The following DNAH3 variants were observed in gnomAD, a reference collection of about 807,000 sequenced individuals.
The protein encoded by DNAH3 is axonemal beta dynein heavy chain 3.
Under a neutral mutation model 432.5 loss-of-function variants are expected in DNAH3, and 332 were observed. The observed-to-expected ratio is 0.77, with a 90% CI of 0.70 to 0.84. The LOEUF is 0.84. Ranked by LOEUF, DNAH3 falls within the 40% of genes least tolerant of loss-of-function variation. The pLI is 0.00. For synonymous variants in DNAH3, 1,956 were observed against 1,900.2 expected (o/e 1.03, Z -0.76); for missense variants, 4,861 against 5,114.0 (o/e 0.95, Z 1.51).
At chr16:20,936,410 C>T (rs1298884250) in intron 60 of DNAH3, among the ~76,000 whole-genome samples, 1 of 151,822 alleles carries the variant, frequency 6.6e-6, no homozygotes, top group East Asian at 1.9e-4. Context: ...CCTGCCTCGG[C>T]CTCCCAGAGT....
intron 28 of DNAH3, among the ~76,000 whole-genome samples, chr16:21,052,840 C>A (rs757901263): frequency 2.6e-5 from 4 of 152,180 alleles, no homozygotes; most frequent in African/African-American, 4.8e-5. Flanking sequence ...TAGGAGAATG[C>A]AATCAGCGTG....
chr16:20,973,102 G>A (rs1016322442), intron 51 of DNAH3, among the ~76,000 whole-genome samples: 1 of 152,106 alleles, frequency 6.6e-6, no homozygotes, highest in East Asian at 1.9e-4. Flanking sequence ...ATGGTTGAGA[G>A]AATTTTCTGT....
At chr16:20,987,306 T>C in exon 47 of DNAH3, 2 of 1,613,824 alleles carry the variant, frequency 1.2e-6, no homozygotes, top group South Asian at 1.1e-5. Context: ...CTGGTTTACC[T>C]TCTCTATGGT....
intron 19 of DNAH3, among the ~76,000 whole-genome samples, chr16:21,082,605 G>A (rs113904378): frequency 5.3e-5 from 8 of 152,132 alleles, no homozygotes; most frequent in African/African-American, 9.6e-5. Context: ...TGAGGCGGGC[G>A]GATCACTTGA....
chr16:20,982,003 ATAATATATATAAT>A (rs2085926642), intron 49 of DNAH3, among the ~76,000 whole-genome samples: 8 of 146,282 alleles, frequency 5.5e-5, no homozygotes, highest in African/African-American at 1.8e-4. Flanking sequence ...TATATAATAT[ATAATATATATAAT>A]TAAGTATATA....
intron 32 of DNAH3, 148 bp from the exon 33 acceptor site, chr16:21,040,091 G>A (rs1423772043): frequency 1.4e-6 from 1 of 705,616 alleles, no homozygotes; most frequent in Non-Finnish European, 2.5e-6. Flanking sequence ...ACAAGTGAGT[G>A]CAGATGGACC....
intron 56 of DNAH3, among the ~76,000 whole-genome samples, chr16:20,950,522 C>A (rs2084265097): frequency 6.6e-6 from 1 of 152,168 alleles, no homozygotes; most frequent in Non-Finnish European, 1.5e-5. Context: ...CCTCTGTCTT[C>A]CCAGCTGTAA....
intron 24 of DNAH3, among the ~76,000 whole-genome samples, chr16:21,064,254 G>T (rs1427026592): frequency 8.5e-5 from 13 of 152,194 alleles, no homozygotes; most frequent in Admixed American, 8.5e-4. Flanking sequence ...GTCTTCTACA[G>T]GATAAAAGAC....
At chr16:20,945,543 T>A (rs1366276704) in intron 57 of DNAH3, among the ~76,000 whole-genome samples, 1 of 151,542 alleles carries the variant, frequency 6.6e-6, no homozygotes, top group East Asian at 1.9e-4. Flanking sequence ...CAGGCTGGAG[T>A]GCAGTGGTAC....
Position 21,040,358 on chromosome 16 carries a change from A to ATCTTTTTTTTTTTTTTT in DNAH3, c.4639-416_4639-415insAAAAAAAAAAAAAAAGA, listed in dbSNP as rs771791969. Among the ~76,000 whole-genome samples the ATCTTTTTTTTTTTTTTT allele has an allele frequency of 3.4e-3, 272 of 79,744 alleles. 66 individuals carry two copies. Among genetic ancestry groups the ATCTTTTTTTTTTTTTTT allele is most frequent in the African/African-American group, 0.014 (250 of 17,762 alleles). 52.3% of individuals were successfully genotyped at this position (79,744 alleles called of 152,430 possible). ...TCAGAAGAATCCCAAAGCCAGACAG[A>ATCTTTTTTTTTTTTTTT]TTTTTTTTTTTTTTTTTTTTTTTTT... On this transcript the variant is annotated intron_variant, in intron 32 of 61. Coordinates refer to ENST00000261383, the Ensembl canonical transcript of DNAH3.
intron 59 of DNAH3, among the ~76,000 whole-genome samples, chr16:20,939,417 G>A (rs2152566578): frequency 6.6e-6 from 1 of 152,246 alleles, no homozygotes; most frequent in East Asian, 1.9e-4. Flanking sequence ...TTCGAGACCA[G>A]CCTGGCCAAC....
At chr16:21,104,443 C>T (rs761374912) in intron 16 of DNAH3, 28 bp downstream of exon 16, 2 of 1,603,272 alleles carry the variant, frequency 1.2e-6, no homozygotes, top group South Asian at 1.1e-5. Flanking sequence ...GGTCTCATTT[C>T]CAAGACAATC....
At chr16:20,945,141 G>A (rs1369690980) in intron 57 of DNAH3, among the ~76,000 whole-genome samples, 1 of 152,158 alleles carries the variant, frequency 6.6e-6, no homozygotes, top group African/African-American at 2.4e-5. Context: ...GATAAAACAG[G>A]TTGTGGTAAA....
chr16:20,961,740 G>A (rs887068063), intron 53 of DNAH3, among the ~76,000 whole-genome samples: 2 of 148,884 alleles, frequency 1.3e-5, no homozygotes, highest in Admixed American at 1.3e-4. Context: ...TAAGAATTGT[G>A]AGAAAATAAA....
chr16:21,029,007 C>T (rs892813688), intron 37 of DNAH3, among the ~76,000 whole-genome samples: 7 of 152,190 alleles, frequency 4.6e-5, no homozygotes, highest in Non-Finnish European at 8.8e-5. Flanking sequence ...CCACCAACCG[C>T]GTCATCTCTG....
In DNAH3 at chr16:21,133,696, C is replaced by T. The variant is rs371240471; in HGVS notation, c.1082+563G>A. Among the ~76,000 whole-genome samples, 6 of 148,014 alleles carry T rather than the reference C, an allele frequency of 4.1e-5. No homozygotes were observed. The East Asian group carries it at 6.3e-4, about 15-fold the overall frequency. On this transcript the variant is annotated intron_variant, in intron 7 of 61. Coordinates refer to ENST00000261383, the Ensembl canonical transcript of DNAH3. ...CGGAGGCTGCAGTGAGCCAAGATCG[C>T]GCCATTGCACTCCAGCCTGGGTAAC...
intron 42 of DNAH3, 78 bp downstream of exon 42, chr16:21,003,026 C>T: frequency 1.0e-6 from 1 of 975,794 alleles, no homozygotes; most frequent in Non-Finnish European, 1.6e-6. Flanking sequence ...CTCGCAAAGA[C>T]TGTTAATTCT....
At chr16:21,044,638 CTCTTTTCCTAATTGAATACCCT>C (rs1369786969) in intron 31 of DNAH3, among the ~76,000 whole-genome samples, 2 of 56,818 alleles carry the variant, frequency 3.5e-5, no homozygotes, top group Admixed American at 4.2e-4. Context: ...ATTTGACTTC[CTCTTTTCCTAATTGAATACCCT>C]TTATTTCCTT....
intron 19 of DNAH3, among the ~76,000 whole-genome samples, chr16:21,083,213 G>A (rs1339249223): frequency 6.6e-6 from 1 of 151,800 alleles, no homozygotes; most frequent in Non-Finnish European, 1.5e-5. Context: ...ATGGGGTTTC[G>A]CCATGTTGGC....
Sources: allele counts gnomAD v4.1 joint callset (sites outside exome capture counted in the v4.1 genomes callset), GRCh38; gene constraint gnomAD v4.1.1; transcripts MANE v1.5; gene names NCBI Gene and HGNC (gene_info 2026-07-23, HGNC 2026-07-21).